The following LAMB4 variants were observed in gnomAD, a reference collection of about 807,000 sequenced individuals.
LAMB4 encodes the protein laminin subunit beta-4.
LAMB4 carries 196 observed loss-of-function variants against 199.2 expected under a neutral mutation model. The observed-to-expected ratio is 0.98, with a 90% CI of 0.88 to 1.11. The LOEUF (loss-of-function observed/expected upper bound fraction) is 1.11. Among genes scored for constraint, LAMB4 ranks in the 50% least tolerant of loss-of-function variants. The pLI, the probability that LAMB4 is intolerant of heterozygous loss-of-function variation, is 0.00. For missense variants in LAMB4, 2,080 were observed against 2,171.2 expected (o/e 0.96, Z 0.83); for synonymous variants, 744 against 770.6 (o/e 0.97, Z 0.57).
In LAMB4 at chr7:108,068,073, G is replaced by A. The variant is rs747592570; in HGVS notation, c.2389C>T (p.Arg797Cys). 1.9e-5 allele frequency: 30 copies of A among 1,613,984 alleles called. No individual in the cohort carries two copies. Among genetic ancestry groups the A allele is most frequent in the East Asian group, 8.9e-5 (4 of 44,890 alleles). The change falls in exon 19 of 34, where the codon CGC becomes TGC. Residue 797 changes from arginine to cysteine, a missense_variant. Arg to Cys is a radical substitution (Grantham distance 180). Transcript: ENST00000388781. Reference sequence around the variant, plus strand: ...CCAGTTGAGCACCTGTCACAGCAGCGCCCGACCACAAGAGGTTTACACTGG... The same window carrying A: ...CCAGTTGAGCACCTGTCACAGCAGCACCCGACCACAAGAGGTTTACACTGG... ...QCQCKPLVVG[R>C]CCDRCSTGSY...
At chr7:108,051,288 T>C (rs1444233407) in intron 26 of LAMB4, among the ~76,000 whole-genome samples, 1 of 152,220 alleles carries the variant, frequency 6.6e-6, no homozygotes, top group African/African-American at 2.4e-5. Flanking sequence ...TATTCCTACC[T>C]GCCTTCTATT....
chr7:108,033,835 G>T lies in LAMB4; in HGVS notation c.4818+373C>A, dbSNP rs368475114. On this transcript the variant is annotated intron_variant, in intron 31 of 33. Coordinates refer to ENST00000388781, the MANE Select transcript of LAMB4 (RefSeq NM_007356.3). ...TTACAATAGTTAACTCATTTCTTTG[G>T]TTTTTGTGAGCTTTTAAAAAGTCTA... Among the ~76,000 whole-genome samples the T allele has an allele frequency of 5.5e-5, 8 of 146,148 alleles. No homozygotes were observed. The East Asian group carries it at 1.0e-3, about 18-fold the overall frequency.
chr7:108,032,291 G>A (rs1307447856), intron 31 of LAMB4, among the ~76,000 whole-genome samples: 1 of 152,148 alleles, frequency 6.6e-6, no homozygotes, highest in Admixed American at 6.5e-5. Flanking sequence ...TCGGGAGGCT[G>A]AGGCAGGAGA....
intron 12 of LAMB4, among the ~76,000 whole-genome samples, chr7:108,093,192 G>A (rs930559525): frequency 6.6e-6 from 1 of 151,984 alleles, no homozygotes; most frequent in Non-Finnish European, 1.5e-5. Context: ...TCAGCCTCCC[G>A]AGTAGCTGGG....
At chr7:108,060,141 A>T (rs1174828136) in intron 23 of LAMB4, among the ~76,000 whole-genome samples, 1 of 152,222 alleles carries the variant, frequency 6.6e-6, no homozygotes, top group Non-Finnish European at 1.5e-5. Context: ...GATTGCAGAG[A>T]CCAGTGTTCC....
chr7:108,048,188 G>T, intron 27 of LAMB4, 77 bp from the exon 28 acceptor site: 1 of 1,159,224 alleles, frequency 8.6e-7, no homozygotes, highest in Non-Finnish European at 1.2e-6. Flanking sequence ...TTTTTGAGAC[G>T]GAGTTTGCTC....
In LAMB4 at chr7:108,088,940, G is replaced by A. The variant is rs542494766; in HGVS notation, c.1701+2686C>T. Among the ~76,000 whole-genome samples the A allele has an allele frequency of 1.3e-5, 2 of 152,260 alleles. 1 individual carries two copies. The highest frequency in any genetic ancestry group is 1.3e-4 in the Admixed American group (2 of 15,296). ...TAAGGAATCTGGGAGTAGCCAACCT[G>A]GAGATTCATTCCTTATCTCTGAGGA... On this transcript the variant is annotated intron_variant, in intron 14 of 33. Transcript: ENST00000388781.
chr7:108,018,632 G>A (rs2034631614), downstream of LAMB4, among the ~76,000 whole-genome samples: 1 of 152,166 alleles, frequency 6.6e-6, no homozygotes, highest in Non-Finnish European at 1.5e-5. Flanking sequence ...TTGAACCTAA[G>A]AGGCGGAGGT....
intron 14 of LAMB4, among the ~76,000 whole-genome samples, chr7:108,083,417 T>C (rs1006993940): frequency 8.5e-5 from 13 of 152,238 alleles, no homozygotes; most frequent in Admixed American, 8.5e-4. Flanking sequence ...AGCCATTCTA[T>C]GGCCTTGGCA....
chr7:108,091,146 G>C (rs1299884561), intron 14 of LAMB4, among the ~76,000 whole-genome samples: 1 of 151,484 alleles, frequency 6.6e-6, no homozygotes, highest in African/African-American at 2.4e-5. Context: ...ACACTCTTGA[G>C]AACCTTCTAT....
chr7:108,059,087 C>T (rs1273092010), intron 23 of LAMB4, among the ~76,000 whole-genome samples: 1 of 142,022 alleles, frequency 7.0e-6, no homozygotes, highest in Non-Finnish European at 1.5e-5. Flanking sequence ...TACCGAAGTA[C>T]AATCTGCCAC....
At position 108,091,624 on chromosome 7, in the gene LAMB4, A is replaced by G. The variant is rs765341865; in HGVS notation, c.1701+2T>C. 6.2e-7 allele frequency: 1 copy of G among 1,612,316 alleles called. No homozygotes were observed. Among genetic ancestry groups the G allele is most frequent in the South Asian group, 1.1e-5 (1 of 90,802 alleles). On this transcript the variant is annotated splice_donor_variant, in intron 14 of 33. Coordinates refer to ENST00000388781, the MANE Select transcript of LAMB4 (RefSeq NM_007356.3). LOFTEE classifies it high-confidence loss of function. ...TGTAGGGAAAGTAAATGAAATACGAACCAAAGGCGCCAGTCCTTGGAGTGT... is the reference window on the plus strand; with the variant it reads ...TGTAGGGAAAGTAAATGAAATACGAGCCAAAGGCGCCAGTCCTTGGAGTGT...
intron 30 of LAMB4, among the ~76,000 whole-genome samples, chr7:108,034,964 G>C (rs530497891): frequency 6.6e-6 from 1 of 152,202 alleles, no homozygotes; most frequent in Non-Finnish European, 1.5e-5. Context: ...TGTACCGAGG[G>C]AGTGAACTAT....
chr7:108,046,785 C>A (rs115943007), intron 28 of LAMB4, among the ~76,000 whole-genome samples: 2,966 of 152,076 alleles, frequency 0.02, 84 homozygotes, highest in African/African-American at 0.067. Context: ...ACATTAAATT[C>A]TAACATTACA....
In LAMB4 at chr7:108,032,221, C is replaced by T. The variant is rs191180191; in HGVS notation, c.4819-1242G>A. Among the ~76,000 whole-genome samples, 61 of 152,182 alleles carry T rather than the reference C, an allele frequency of 4.0e-4. No individual in the cohort carries two copies. In the East Asian group the frequency reaches 9.9e-3, roughly 25 times the overall value. ...TCTGGCCAACATGGCGAAACCTCGT[C>T]TCTTCTAAAATTACAAAAATTAGCT... is the stretch of plus-strand genomic sequence containing the variant. On this transcript the variant is annotated intron_variant, in intron 31 of 33. Transcript: ENST00000388781.
In LAMB4 at chr7:108,063,004, C is replaced by A. The variant is rs372933693; in HGVS notation, c.3062-10G>T. 32 of 1,527,290 alleles carry A rather than the reference C, an allele frequency of 2.1e-5. No homozygotes were observed. In the African/African-American group the frequency reaches 3.4e-4, roughly 16 times the overall value. 94.6% of individuals were successfully genotyped at this position (1,527,290 alleles called of 1,614,324 possible). On this transcript the variant is annotated splice_polypyrimidine_tract_variant and intron_variant, in intron 22 of 33. Coordinates refer to ENST00000388781, the MANE Select transcript of LAMB4 (RefSeq NM_007356.3). ...GCATGGCAGGAGCATCCTGTGATGA[C>A]AAAACCATCATCAGAGGTAAATTCA...
At position 108,077,077 on chromosome 7, in the gene LAMB4, A is replaced by G; in HGVS notation, c.2004-13T>C. ...AAGCAGCATGATTCTGTATTAAGAA[A>G]GATAAAGCAAAAATTCAGACCACAG... On this transcript the variant is annotated splice_polypyrimidine_tract_variant and intron_variant, in intron 16 of 33. Coordinates refer to ENST00000388781, the MANE Select transcript of LAMB4 (RefSeq NM_007356.3). The G allele has an allele frequency of 6.2e-7, 1 of 1,611,374 alleles. No individual in the cohort carries two copies. Among genetic ancestry groups the G allele is most frequent in the African/African-American group, 1.3e-5 (1 of 74,896 alleles).
chr7:108,109,342 T>C (rs2038137732), intron 4 of LAMB4, 98 bp from the exon 5 acceptor site: 4 of 872,480 alleles, frequency 4.6e-6, no homozygotes, highest in South Asian at 1.4e-5. Flanking sequence ...TAAAATCTCT[T>C]TGATGCCACA....
chr7:108,096,031 G>C (rs2037582527), intron 11 of LAMB4, among the ~76,000 whole-genome samples: 1 of 152,166 alleles, frequency 6.6e-6, no homozygotes, highest in Non-Finnish European at 1.5e-5. Context: ...ATTACTAATT[G>C]TACCATCTTA....
Sources: gnomAD v4.1 joint callset for allele counts (sites outside exome capture counted in the v4.1 genomes callset) on GRCh38, gnomAD v4.1.1 for gene constraint, MANE v1.5 for transcripts, NCBI Gene and HGNC (gene_info 2026-07-23, HGNC 2026-07-21) for gene names.